The following CHSY1 variants were observed in gnomAD, a reference collection of about 807,000 sequenced individuals.
CHSY1 encodes N-acetylgalactosaminyl-proteoglycan 3-beta-glucuronosyltransferase 1.
In CHSY1, 13 loss-of-function variants were observed where a neutral mutation model predicts 59.8. The ratio of observed to expected loss-of-function variants is 0.22; its 90% CI spans 0.14 to 0.35. The LOEUF (loss-of-function observed/expected upper bound fraction) is 0.35. Among genes scored for constraint, CHSY1 ranks in the 10% least tolerant of loss-of-function variants. The pLI is 1.00. For missense variants in CHSY1, 947 were observed against 1,030.6 expected (o/e 0.92, Z 1.11); for synonymous variants, 459 against 401.2 (o/e 1.14, Z -1.72).
intron 2 of CHSY1, among the ~76,000 whole-genome samples, chr15:101,234,684 T>A (rs8025591): frequency 0.32 from 48,386 of 152,068 alleles, 10,365 homozygotes; most frequent in African/African-American, 0.62. Context: ...CTGGCCAGCA[T>A]GGTGAAACCT....
At chr15:101,208,794 T>C (rs1205917242) in intron 2 of CHSY1, among the ~76,000 whole-genome samples, 2 of 150,632 alleles carry the variant, frequency 1.3e-5, no homozygotes, top group African/African-American at 4.9e-5. Flanking sequence ...AACATGGAAA[T>C]GTATAATAAT....
At chr15:101,192,410 C>T (rs1295715691) in intron 2 of CHSY1, among the ~76,000 whole-genome samples, 1 of 152,140 alleles carries the variant, frequency 6.6e-6, no homozygotes, top group Non-Finnish European at 1.5e-5. Flanking sequence ...TCAGAAAAGA[C>T]ATCCCCATCC....
intron 2 of CHSY1, among the ~76,000 whole-genome samples, chr15:101,223,384 A>C (rs1308768890): frequency 6.6e-6 from 1 of 152,276 alleles, no homozygotes; most frequent in Non-Finnish European, 1.5e-5. Flanking sequence ...GAAGGCTTAT[A>C]ACCAGACCAC....
chr15:101,239,512 C>CG (rs1447151291), intron 1 of CHSY1, among the ~76,000 whole-genome samples: 2 of 152,164 alleles, frequency 1.3e-5, no homozygotes, highest in Non-Finnish European at 2.9e-5. Context: ...TATCTGTAAA[C>CG]GGGGGTTGTT....
chr15:101,201,494 C>T (rs940640317), intron 2 of CHSY1, among the ~76,000 whole-genome samples: 3 of 152,220 alleles, frequency 2.0e-5, no homozygotes, highest in Non-Finnish European at 4.4e-5. Context: ...TAACTCCTTC[C>T]CATCCTTCTG....
At chr15:101,189,560 T>A in intron 2 of CHSY1, 1 of 681,832 alleles carries the variant, frequency 1.5e-6, no homozygotes, top group Non-Finnish European at 1.8e-6. Flanking sequence ...ACTGAAGTGC[T>A]GGCAACCAGT....
chr15:101,191,524 G>A (rs1385445478), intron 2 of CHSY1, among the ~76,000 whole-genome samples: 3 of 152,192 alleles, frequency 2.0e-5, no homozygotes, highest in Non-Finnish European at 4.4e-5. Context: ...TAAACCCACA[G>A]AATGTTCAAC....
chr15:101,208,340 G>A (rs4513075), intron 2 of CHSY1, among the ~76,000 whole-genome samples: 14,679 of 152,152 alleles, frequency 0.096, 998 homozygotes, highest in Middle Eastern at 0.17. Context: ...TGCAAGGCTA[G>A]GGCAGGGAAA....
intron 1 of CHSY1, among the ~76,000 whole-genome samples, chr15:101,246,361 T>C (rs1217190312): frequency 1.3e-5 from 1 of 75,806 alleles, no homozygotes; most frequent in Non-Finnish European, 4.0e-5. Flanking sequence ...TGTGGCTTTT[T>C]TTTTTTTTTA....
intron 2 of CHSY1, among the ~76,000 whole-genome samples, chr15:101,207,664 C>A (rs67502721): frequency 0.15 from 23,380 of 152,120 alleles, 2,000 homozygotes; most frequent in East Asian, 0.3. Flanking sequence ...ATAGATCTTC[C>A]AGAATATACT....
chr15:101,250,379 C>T (rs1596458573), intron 1 of CHSY1, among the ~76,000 whole-genome samples: 1 of 152,340 alleles, frequency 6.6e-6, no homozygotes, highest in Admixed American at 6.5e-5. Flanking sequence ...CCAAAATCAT[C>T]TCCCTTCTAG....
In CHSY1 at chr15:101,178,776, T is replaced by G; in HGVS notation, c.1021A>C (p.Met341Leu). The G allele has an allele frequency of 6.2e-7, 1 of 1,614,222 alleles. No individual in the cohort carries two copies. Among genetic ancestry groups the G allele is most frequent in the Non-Finnish European group, 8.5e-7 (1 of 1,180,038 alleles). Reference sequence around the variant, plus strand: ...ATTTCTGTGTTGCTGTATTTGCTCATCAGGACAATTTCGCGGTGCAGCTGT... The same window carrying G: ...ATTTCTGTGTTGCTGTATTTGCTCAGCAGGACAATTTCGCGGTGCAGCTGT... ...TIQLHREIVLMSKYSNTEIHK... is the reference protein window; with the variant it reads ...TIQLHREIVLLSKYSNTEIHK... The change falls in exon 3 of 3, where the codon ATG (methionine) becomes CTG (leucine). Residue 341 changes from methionine (M) to leucine (L), a missense_variant. Physicochemically the swap from Met to Leu is conservative, Grantham distance 15. Coordinates refer to ENST00000254190, the MANE Select transcript of CHSY1 (RefSeq NM_014918.5).
intron 2 of CHSY1, among the ~76,000 whole-genome samples, chr15:101,203,118 T>G (rs1490463309): frequency 6.6e-6 from 1 of 152,198 alleles, no homozygotes; most frequent in Non-Finnish European, 1.5e-5. Context: ...TAACAACTGA[T>G]TGCACCTAAA....
At chr15:101,213,378 C>A (rs1478486276) in intron 2 of CHSY1, among the ~76,000 whole-genome samples, 7 of 141,574 alleles carry the variant, frequency 4.9e-5, no homozygotes, top group Admixed American at 3.4e-4. Flanking sequence ...TACCATTAGA[C>A]AAATGGTAGA....
At chr15:101,205,825 C>T (rs558851014) in intron 2 of CHSY1, among the ~76,000 whole-genome samples, 1 of 152,182 alleles carries the variant, frequency 6.6e-6, no homozygotes, top group South Asian at 2.1e-4. Flanking sequence ...GTGGTGGGCG[C>T]CCGTAGTCCC....
intron 2 of CHSY1, among the ~76,000 whole-genome samples, chr15:101,212,832 A>C (rs970859742): frequency 6.6e-6 from 1 of 152,240 alleles, no homozygotes; most frequent in Admixed American, 6.5e-5. Context: ...CACTTGAAGG[A>C]AAGTGTACCA....
intron 2 of CHSY1, among the ~76,000 whole-genome samples, chr15:101,184,126 C>A (rs1292124177): frequency 1.3e-5 from 2 of 152,224 alleles, no homozygotes; most frequent in African/African-American, 2.4e-5. Flanking sequence ...CTGACTACTT[C>A]TCACACACCC....
intron 1 of CHSY1, among the ~76,000 whole-genome samples, chr15:101,245,626 C>T (rs765410831): frequency 5.9e-5 from 9 of 152,192 alleles, no homozygotes; most frequent in Admixed American, 3.9e-4. Context: ...GAAACAGTCA[C>T]GCACAATCCG....
chr15:101,233,835 A>AG (rs1428023580), intron 2 of CHSY1, among the ~76,000 whole-genome samples: 1 of 152,238 alleles, frequency 6.6e-6, no homozygotes, highest in Non-Finnish European at 1.5e-5. Context: ...AAGCAAGTCT[A>AG]GGGGTGGACA....
Sources: gnomAD v4.1 joint callset for allele counts (sites outside exome capture counted in the v4.1 genomes callset) on GRCh38, gnomAD v4.1.1 for gene constraint, MANE v1.5 for transcripts, NCBI Gene and HGNC (gene_info 2026-07-23, HGNC 2026-07-21) for gene names.